The following AGTPBP1 variants were observed in gnomAD, a reference collection of about 807,000 sequenced individuals.
AGTPBP1 encodes the protein cytosolic carboxypeptidase 1.
Under a neutral mutation model 143.9 loss-of-function variants are expected in AGTPBP1, and 70 were observed. That is an observed-to-expected ratio of 0.49 (90% CI 0.40 to 0.59). The LOEUF (loss-of-function observed/expected upper bound fraction) is 0.59, where lower values mean the gene tolerates loss of function less well. Ranked by LOEUF, AGTPBP1 falls within the 20% of genes least tolerant of loss-of-function variation. The pLI is 0.00. For synonymous variants in AGTPBP1, 463 were observed against 500.2 expected, an observed-to-expected ratio of 0.93 and a Z score of 0.99; for missense variants, 1,229 against 1,464.5, an observed-to-expected ratio of 0.84 and a Z score of 2.62.
At chr9:85,555,789 A>C (rs1194157164) in intron 25 of AGTPBP1, among the ~76,000 whole-genome samples, 2 of 152,240 alleles carry the variant, frequency 1.3e-5, no homozygotes, top group Admixed American at 1.3e-4. Context: ...ATAAATAAAA[A>C]TGGAAATAAT....
chr9:85,571,956 C>T (rs1564019503), intron 25 of AGTPBP1, among the ~76,000 whole-genome samples: 1 of 138,424 alleles, frequency 7.2e-6, no homozygotes, highest in African/African-American at 2.6e-5. Flanking sequence ...AGTAAAATCT[C>T]AAAAGAAAAC....
intron 14 of AGTPBP1, among the ~76,000 whole-genome samples, chr9:85,628,322 C>G (rs77942315): frequency 0.021 from 3,206 of 152,240 alleles, 130 homozygotes; most frequent in African/African-American, 0.072. Context: ...TGTCAACTAT[C>G]TAATACCCAC....
intron 2 of AGTPBP1, among the ~76,000 whole-genome samples, chr9:85,709,528 T>A (rs748373670): frequency 3.3e-5 from 5 of 152,106 alleles, no homozygotes; most frequent in Non-Finnish European, 7.4e-5. Flanking sequence ...CTCTTGGATG[T>A]GATGGAAAAA....
chr9:85,696,031 G>A (rs1836216656), intron 2 of AGTPBP1, among the ~76,000 whole-genome samples: 1 of 151,882 alleles, frequency 6.6e-6, no homozygotes, highest in African/African-American at 2.4e-5. Flanking sequence ...TAGTAGAGAC[G>A]GGGTTTCACC....
At chr9:85,765,038 A>G in the AGTPBP1 span, 1 of 595,198 alleles carries the variant, frequency 1.7e-6, no homozygotes, top group East Asian at 2.9e-5. Flanking sequence ...GTTCCTTGAG[A>G]TTTTGTCAGA....
At chr9:85,738,993 T>A (rs948269362) in intron 1 of AGTPBP1, among the ~76,000 whole-genome samples, 1 of 152,174 alleles carries the variant, frequency 6.6e-6, no homozygotes, top group Non-Finnish European at 1.5e-5. Flanking sequence ...TCACTTAATA[T>A]TTGAGAATAT....
Position 85,621,284 on chromosome 9 carries a change from T to C in AGTPBP1, c.2017A>G (p.Thr673Ala), listed in dbSNP as rs779748707. Residue 673 changes from threonine to alanine, a missense_variant and splice_region_variant, in exon 15 of 26, where the codon ACA becomes GCA. Physicochemically the swap from Thr to Ala is moderately conservative, Grantham distance 58. Coordinates refer to ENST00000357081, the MANE Select transcript of AGTPBP1 (RefSeq NM_001330701.2). ...CTTTCAATATCTTGAGCAATTTTTGTCCTGAAATCATAAAGGTTTAACCAA... is the reference window on the plus strand; with the variant it reads ...CTTTCAATATCTTGAGCAATTTTTGCCCTGAAATCATAAAGGTTTAACCAA... ...ILERPYGVQR[T>A]KIAQDIERLI... 7.0e-7 allele frequency: 1 copy of C among 1,434,158 alleles called. No homozygotes were observed. Among genetic ancestry groups the C allele is most frequent in the South Asian group, 1.8e-5 (1 of 56,298 alleles). 88.8% of individuals were successfully genotyped at this position (1,434,158 alleles called of 1,614,324 possible).
chr9:85,678,233 T>C (rs1834955893), intron 5 of AGTPBP1, 102 bp downstream of exon 5: 1 of 691,938 alleles, frequency 1.4e-6, no homozygotes, highest in Non-Finnish European at 2.4e-6. Flanking sequence ...ATACTCAGAA[T>C]AGCCTCTATA....
Position 85,630,373 on chromosome 9 carries a change from GACTT to G in AGTPBP1, c.2015+2285_2015+2288del, listed in dbSNP as rs199933310. ...GATCAATTTACTTACTTACAGGATTGACTTACTTACTTACTTACTTATTTATTTA... is the reference window on the plus strand; with the variant it reads ...GATCAATTTACTTACTTACAGGATTGACTTACTTACTTACTTATTTATTTA... On this transcript the variant is annotated intron_variant, in intron 14 of 25. Transcript: ENST00000357081. Among the ~76,000 whole-genome samples the G allele has an allele frequency of 9.7e-4, 142 of 146,132 alleles. 1 individual carries two copies. The highest frequency in any genetic ancestry group is 3.1e-3 in the African/African-American group (119 of 38,056).
At chr9:85,679,708 T>C (rs1191314242) in intron 4 of AGTPBP1, among the ~76,000 whole-genome samples, 1 of 152,206 alleles carries the variant, frequency 6.6e-6, no homozygotes, top group Non-Finnish European at 1.5e-5. Flanking sequence ...ACACCCAGCC[T>C]TTAACTGAAG....
At chr9:85,608,904 G>A (rs191998251) in intron 17 of AGTPBP1, among the ~76,000 whole-genome samples, 1 of 152,218 alleles carries the variant, frequency 6.6e-6, no homozygotes, top group African/African-American at 2.4e-5. Context: ...CCTCAATAGG[G>A]TGGAGGAAGG....
chr9:85,650,445 T>C (rs776318739), intron 11 of AGTPBP1, among the ~76,000 whole-genome samples: 1 of 152,206 alleles, frequency 6.6e-6, no homozygotes, highest in Non-Finnish European at 1.5e-5. Context: ...TGTTTTCTCT[T>C]CCTTATGACT....
chr9:85,573,402 A>G (rs781292863), intron 25 of AGTPBP1, among the ~76,000 whole-genome samples: 95 of 152,176 alleles, frequency 6.2e-4, no homozygotes, highest in Non-Finnish European at 2.8e-4. Flanking sequence ...TCGTTCACTC[A>G]GTGCTCAATG....
chr9:85,743,175 T>C (rs79656680), upstream of AGTPBP1, among the ~76,000 whole-genome samples: 5,752 of 152,294 alleles, frequency 0.038, 349 homozygotes, highest in African/African-American at 0.13. Context: ...CCAATAATAA[T>C]GTAATAATTT....
At chr9:85,583,914 T>C (rs561225648) in intron 23 of AGTPBP1, among the ~76,000 whole-genome samples, 1 of 152,174 alleles carries the variant, frequency 6.6e-6, no homozygotes, top group African/African-American at 2.4e-5. Flanking sequence ...TCTTAAGTGC[T>C]ATGAAGGAGA....
chr9:85,632,033 T>G (rs1202176896), intron 14 of AGTPBP1, among the ~76,000 whole-genome samples: 1 of 152,144 alleles, frequency 6.6e-6, no homozygotes. Flanking sequence ...CTGTCTATAT[T>G]GTTTCATTTA....
intron 13 of AGTPBP1, among the ~76,000 whole-genome samples, chr9:85,638,859 A>G (rs1832261393): frequency 1.3e-5 from 2 of 152,084 alleles, no homozygotes; most frequent in Admixed American, 1.3e-4. Context: ...AAATTTTTTC[A>G]TTGTGAGAAA....
At chr9:85,548,744 C>T (rs1046248436) in intron 25 of AGTPBP1, among the ~76,000 whole-genome samples, 2 of 150,322 alleles carry the variant, frequency 1.3e-5, no homozygotes, top group Non-Finnish European at 2.9e-5. Context: ...GGTGTGATCT[C>T]GACACACTGC....
chr9:85,601,585 T>C (rs1463480079), intron 17 of AGTPBP1, among the ~76,000 whole-genome samples: 1 of 152,032 alleles, frequency 6.6e-6, no homozygotes, highest in African/African-American at 2.4e-5. Flanking sequence ...CCACCAACAC[T>C]AGCACAGACT....
Sources: allele counts gnomAD v4.1 joint callset (sites outside exome capture counted in the v4.1 genomes callset), GRCh38; gene constraint gnomAD v4.1.1; transcripts MANE v1.5; gene names NCBI Gene and HGNC (gene_info 2026-07-23, HGNC 2026-07-21).